PSD3: variants seen among roughly 807,000 people sequenced by gnomAD.
PSD3 encodes the protein PH and SEC7 domain-containing protein 3.
PSD3 carries 49 observed loss-of-function variants against 105.5 expected under a neutral mutation model. The observed-to-expected ratio is 0.46, with a 90% CI of 0.37 to 0.59. The LOEUF (loss-of-function observed/expected upper bound fraction) is 0.59. Among genes scored for constraint, PSD3 ranks in the 20% least tolerant of loss-of-function variants. The pLI is 0.00. For missense variants in PSD3, 1,561 were observed against 1,263.8 expected (o/e 1.24, Z -3.57); for synonymous variants, 557 against 457.8 (o/e 1.22, Z -2.77).
chr8:18,843,192 C>T (rs1432326118), intron 4 of PSD3, among the ~76,000 whole-genome samples: 1 of 152,058 alleles, frequency 6.6e-6, no homozygotes, highest in South Asian at 2.1e-4. Context: ...AACCCCATCT[C>T]TACTAAAAAT....
At chr8:18,870,684 A>T (rs1300165347) in intron 3 of PSD3, among the ~76,000 whole-genome samples, 2 of 90,302 alleles carry the variant, frequency 2.2e-5, no homozygotes, top group African/African-American at 1.0e-4. Context: ...TATAATTTAC[A>T]AAAAAAAAAA....
chr8:18,825,324 T>C (rs1328540823), intron 4 of PSD3, among the ~76,000 whole-genome samples: 1 of 152,178 alleles, frequency 6.6e-6, no homozygotes, highest in Non-Finnish European at 1.5e-5. Context: ...AAATTCAGTG[T>C]CTGTAAGAGT....
intron 4 of PSD3, among the ~76,000 whole-genome samples, chr8:18,848,879 T>A (rs961964580): frequency 5.3e-5 from 8 of 152,210 alleles, no homozygotes; most frequent in Admixed American, 1.3e-4. Context: ...TTCAAGCGGA[T>A]ACTTCTTGGT....
rs534021495 is a variant in PSD3, at chr8:18,586,069, C to T, written c.2482-10784G>A. 7.2e-5 allele frequency among the ~76,000 whole-genome samples: 11 copies of T among 152,158 alleles called. No homozygotes were observed. In the South Asian group the frequency reaches 1.0e-3, roughly 14 times the overall value. On this transcript the variant is annotated intron_variant, in intron 12 of 15. Transcript: ENST00000327040. ...CTTACTTTAATACCTAAGAGGCTGC[C>T]GACACTGTGCCCATGTGTTCAGGAG...
intron 14 of PSD3, among the ~76,000 whole-genome samples, chr8:18,562,790 G>C (rs1407153212): frequency 6.6e-6 from 1 of 152,112 alleles, no homozygotes; most frequent in African/African-American, 2.4e-5. Context: ...ACTGGAGGCC[G>C]AGGCAGGGGA....
intron 1 of PSD3, among the ~76,000 whole-genome samples, chr8:18,953,093 T>C (rs112502811): frequency 9.7e-4 from 148 of 152,266 alleles, no homozygotes; most frequent in African/African-American, 3.4e-3. Flanking sequence ...GAAATACAAA[T>C]GGCGAATACA....
chr8:19,076,683 T>C (rs1829471763), intron 1 of PSD3, among the ~76,000 whole-genome samples: 1 of 152,218 alleles, frequency 6.6e-6, no homozygotes, highest in African/African-American at 2.4e-5. Context: ...AATGTTGTTT[T>C]TAAATTGTTA....
intron 10 of PSD3, 56 bp downstream of exon 10, chr8:18,655,586 C>T: frequency 6.7e-7 from 1 of 1,495,094 alleles, no homozygotes; most frequent in Non-Finnish European, 9.3e-7. Flanking sequence ...GGCATAAAGA[C>T]AGTAGGAAAA....
At chr8:18,600,219 T>C in intron 12 of PSD3, 145 bp downstream of exon 12, 1 of 722,698 alleles carries the variant, frequency 1.4e-6, no homozygotes, top group Non-Finnish European at 2.3e-6. Flanking sequence ...ATTTCTGGAA[T>C]TCTCCGCTGA....
At chr8:19,052,803 G>A (rs1202045152) in intron 1 of PSD3, among the ~76,000 whole-genome samples, 5 of 42,440 alleles carry the variant, frequency 1.2e-4, no homozygotes, top group African/African-American at 2.1e-4. Context: ...TGGGTCCATT[G>A]GGTGCCCCCA....
At position 18,813,000 on chromosome 8, in the gene PSD3, A is replaced by G. The variant is rs551211404; in HGVS notation, c.1635-8102T>C. 1.6e-4 allele frequency among the ~76,000 whole-genome samples: 24 copies of G among 152,332 alleles called. No homozygotes were observed. In the East Asian group the frequency reaches 4.3e-3, roughly 27 times the overall value. On this transcript the variant is annotated intron_variant, in intron 4 of 15. Coordinates refer to ENST00000327040, the MANE Select transcript of PSD3 (RefSeq NM_015310.4). ...GGAGGGAAAACTGCAGGGACTCAAA[A>G]TTGAGACAGAAAAACCAGCTACAAA...
At chr8:18,562,885 T>A (rs1301347166) in intron 14 of PSD3, among the ~76,000 whole-genome samples, 1 of 144,768 alleles carries the variant, frequency 6.9e-6, no homozygotes, top group African/African-American at 2.6e-5. Flanking sequence ...TGAGACTCTG[T>A]CTAGATAAAG....
intron 9 of PSD3, among the ~76,000 whole-genome samples, chr8:18,729,278 T>G (rs1803557594): frequency 6.6e-6 from 1 of 152,202 alleles, no homozygotes; most frequent in Admixed American, 6.5e-5. Flanking sequence ...CTGTAAAAGC[T>G]TAAGCAATGA....
At chr8:19,083,135 T>C (rs1421645800) in intron 1 of PSD3, among the ~76,000 whole-genome samples, 1 of 152,026 alleles carries the variant, frequency 6.6e-6, no homozygotes. Flanking sequence ...CCCTCAACAC[T>C]CCAATGACTC....
chr8:18,964,596 T>C (rs946635865), intron 1 of PSD3, among the ~76,000 whole-genome samples: 2 of 152,104 alleles, frequency 1.3e-5, no homozygotes, highest in African/African-American at 4.8e-5. Flanking sequence ...TGTGGTCTCA[T>C]GAACAACCAG....
chr8:18,898,920 A>G (rs191512751), intron 2 of PSD3, among the ~76,000 whole-genome samples: 85 of 152,294 alleles, frequency 5.6e-4, no homozygotes, highest in Admixed American at 4.9e-3. Flanking sequence ...AAATGTACAG[A>G]CATAATCATA....
intron 2 of PSD3, among the ~76,000 whole-genome samples, chr8:18,902,468 A>G (rs1819565215): frequency 6.6e-6 from 1 of 152,142 alleles, no homozygotes. Flanking sequence ...CTTTGAATTC[A>G]TATTCCACCA....
chr8:18,802,344 T>C (rs1810771072), intron 6 of PSD3: 2 of 433,426 alleles, frequency 4.6e-6, no homozygotes, highest in Non-Finnish European at 9.3e-6. Context: ...ACAATGTAGA[T>C]TCATTTTCCT....
At chr8:18,734,583 T>A (rs1418268812) in intron 9 of PSD3, among the ~76,000 whole-genome samples, 1 of 152,154 alleles carries the variant, frequency 6.6e-6, no homozygotes, top group Non-Finnish European at 1.5e-5. Flanking sequence ...CTGAATTCAT[T>A]TGGAGGCACT....
Sources: gnomAD v4.1 joint callset for allele counts (sites outside exome capture counted in the v4.1 genomes callset) on GRCh38, gnomAD v4.1.1 for gene constraint, MANE v1.5 for transcripts, NCBI Gene and HGNC (gene_info 2026-07-23, HGNC 2026-07-21) for gene names.